The following ATP9B variants were observed in gnomAD, a reference collection of about 807,000 sequenced individuals.
ATP9B encodes probable phospholipid-transporting ATPase IIB.
In ATP9B, 110 loss-of-function variants were observed where a neutral mutation model predicts 146.1. That is an observed-to-expected ratio of 0.75 (90% CI 0.65 to 0.88). The LOEUF is 0.88. ATP9B is among the 40% of genes least tolerant of loss of function. ATP9B has a pLI of 0.00. For synonymous variants in ATP9B, 604 were observed against 569.7 expected, an observed-to-expected ratio of 1.06 and a Z score of -0.86; for missense variants, 1,499 against 1,496.4, an observed-to-expected ratio of 1.00 and a Z score of -0.03.
chr18:79,070,798 T>G (rs2071646609), intron 1 of ATP9B, among the ~76,000 whole-genome samples: 1 of 152,172 alleles, frequency 6.6e-6, no homozygotes, highest in South Asian at 2.1e-4. Flanking sequence ...AAATCTTTAT[T>G]AGATATTGAT....
chr18:79,105,978 T>C (rs749092983), intron 2 of ATP9B, among the ~76,000 whole-genome samples: 6 of 152,352 alleles, frequency 3.9e-5, no homozygotes, highest in Non-Finnish European at 8.8e-5. Flanking sequence ...GTGGGAATTA[T>C]TTAACTATGA....
intron 2 of ATP9B, among the ~76,000 whole-genome samples, chr18:79,102,168 C>G (rs775479172): frequency 6.6e-6 from 1 of 152,088 alleles, no homozygotes; most frequent in Non-Finnish European, 1.5e-5. Flanking sequence ...CAGTCTGTAT[C>G]TTGTCTTTCC....
At chr18:79,181,258 T>C (rs1023408432) in intron 8 of ATP9B, among the ~76,000 whole-genome samples, 6 of 152,204 alleles carry the variant, frequency 3.9e-5, no homozygotes, top group Admixed American at 6.5e-5. Flanking sequence ...TGTGCCTTTT[T>C]CTGTGGGCGT....
intron 1 of ATP9B, among the ~76,000 whole-genome samples, chr18:79,078,619 A>G (rs913724384): frequency 6.7e-6 from 1 of 149,360 alleles, no homozygotes; most frequent in Non-Finnish European, 1.5e-5. Context: ...TTTTTGATAT[A>G]GTTTACATAC....
chr18:79,278,722 G>A (rs558790635), intron 13 of ATP9B, among the ~76,000 whole-genome samples: 1 of 152,134 alleles, frequency 6.6e-6, no homozygotes, highest in Non-Finnish European at 1.5e-5. Flanking sequence ...AGAGAGCAAT[G>A]TTTATGAATC....
At chr18:79,219,984 G>A (rs1047312897) in intron 11 of ATP9B, among the ~76,000 whole-genome samples, 1 of 152,156 alleles carries the variant, frequency 6.6e-6, no homozygotes, top group African/African-American at 2.4e-5. Context: ...ATTTAAAATG[G>A]TGCCAGTAAC....
At chr18:79,077,254 C>T (rs113869056) in intron 1 of ATP9B, among the ~76,000 whole-genome samples, 4 of 152,080 alleles carry the variant, frequency 2.6e-5, no homozygotes, top group Non-Finnish European at 4.4e-5. Context: ...TTCTGCTTAT[C>T]GGGCCTGGTG....
chr18:79,329,217 C>T lies in ATP9B; in HGVS notation c.1850C>T (p.Thr617Ile). Residue 617 changes from threonine to isoleucine, a missense_variant, in exon 16 of 30, where the codon ACC (threonine) becomes ATC (isoleucine). Physicochemically the swap from Thr to Ile is moderately conservative, Grantham distance 89. Transcript: ENST00000426216. ...GACCTCACCTCCATGCAGCTGAAGA[C>T]CCCCAGTGGCCAGGTCCTCAGCTTC... The part of the protein sequence containing the change: ...SRDLTSMQLK[T>I]PSGQVLSFCI... 1.2e-6 allele frequency: 2 copies of T among 1,612,624 alleles called. No homozygotes were observed. Among genetic ancestry groups the T allele is most frequent in the Non-Finnish European group, 1.7e-6 (2 of 1,179,812 alleles).
chr18:79,163,952 G>A (rs749554987), intron 7 of ATP9B, among the ~76,000 whole-genome samples: 25 of 148,658 alleles, frequency 1.7e-4, no homozygotes, highest in Non-Finnish European at 2.8e-4. Context: ...AAAAGGTCTC[G>A]CACTGTCCCA....
chr18:79,210,370 G>A (rs1049701385), intron 10 of ATP9B, among the ~76,000 whole-genome samples: 8 of 152,290 alleles, frequency 5.3e-5, no homozygotes, highest in African/African-American at 1.9e-4. Flanking sequence ...ACGCCTGGGT[G>A]CGGGTCTCCT....
At chr18:79,169,630 A>T (rs930378029) in intron 7 of ATP9B, among the ~76,000 whole-genome samples, 1 of 152,230 alleles carries the variant, frequency 6.6e-6, no homozygotes, top group African/African-American at 2.4e-5. Flanking sequence ...TTATTTAGTT[A>T]TACATTTGTT....
chr18:79,330,580 T>C (rs1239571411), intron 17 of ATP9B, among the ~76,000 whole-genome samples: 2 of 152,064 alleles, frequency 1.3e-5, no homozygotes, highest in Admixed American at 1.3e-4. Context: ...GCCTGACTAA[T>C]TTTTTTGTAT....
intron 5 of ATP9B, among the ~76,000 whole-genome samples, chr18:79,131,514 T>C (rs377391516): frequency 6.6e-6 from 1 of 152,206 alleles, no homozygotes; most frequent in Non-Finnish European, 1.5e-5. Flanking sequence ...TTTTAAAATA[T>C]AGAATATCGA....
intron 2 of ATP9B, among the ~76,000 whole-genome samples, chr18:79,102,881 G>A (rs2075382675): frequency 6.6e-6 from 1 of 152,230 alleles, no homozygotes; most frequent in Non-Finnish European, 1.5e-5. Context: ...ACTTTTTGGA[G>A]TGATCGTAAA....
chr18:79,180,308 T>C (rs1348376254), intron 8 of ATP9B, among the ~76,000 whole-genome samples: 2 of 152,180 alleles, frequency 1.3e-5, no homozygotes, highest in South Asian at 2.1e-4. Flanking sequence ...TTTGTTTCTT[T>C]TCTTCATCTT....
intron 8 of ATP9B, among the ~76,000 whole-genome samples, chr18:79,177,648 C>G (rs2095194521): frequency 6.6e-6 from 1 of 152,110 alleles, no homozygotes; most frequent in Non-Finnish European, 1.5e-5. Context: ...TAGAATCTTT[C>G]AAATCAGTAA....
intron 15 of ATP9B, among the ~76,000 whole-genome samples, chr18:79,319,804 C>G (rs1424073666): frequency 6.6e-6 from 1 of 152,198 alleles, no homozygotes; most frequent in African/African-American, 2.4e-5. Context: ...AAATAAAGTC[C>G]TGAAGCAAAT....
chr18:79,113,451 A>G, intron 4 of ATP9B, 97 bp downstream of exon 4: 3 of 793,332 alleles, frequency 3.8e-6, no homozygotes, highest in Non-Finnish European at 6.1e-6. Flanking sequence ...CCAGATTTTT[A>G]AAACATGGTG....
At chr18:79,121,397 A>G (rs1408575171) in intron 4 of ATP9B, among the ~76,000 whole-genome samples, 4 of 152,156 alleles carry the variant, frequency 2.6e-5, no homozygotes, top group Non-Finnish European at 5.9e-5. Flanking sequence ...TCTAGGGAGC[A>G]GTGTTATAGC....
Sources: gnomAD v4.1 joint callset for allele counts (sites outside exome capture counted in the v4.1 genomes callset) on GRCh38, gnomAD v4.1.1 for gene constraint, MANE v1.5 for transcripts, NCBI Gene and HGNC (gene_info 2026-07-23, HGNC 2026-07-21) for gene names.